The following PRKG1 variants were observed in gnomAD, a reference collection of about 807,000 sequenced individuals.
PRKG1 encodes the protein protein kinase cGMP-dependent 1.
PRKG1 carries 35 observed loss-of-function variants against 88.1 expected under a neutral mutation model. The observed-to-expected ratio is 0.40, with a 90% CI of 0.30 to 0.53. PRKG1 has a LOEUF of 0.53. Ranked by LOEUF, PRKG1 falls within the 20% of genes least tolerant of loss-of-function variation. The pLI, the probability that PRKG1 is intolerant of heterozygous loss-of-function variation, is 0.59. For missense variants in PRKG1, 540 were observed against 839.8 expected, an observed-to-expected ratio of 0.64 and a Z score of 4.41; for synonymous variants, 303 against 292.5, an observed-to-expected ratio of 1.04 and a Z score of -0.37.
rs182252764 is a variant in PRKG1 at position 51,915,242 on chromosome 10, T to G, written c.762+7672T>G. On this transcript the variant is annotated intron_variant, in intron 5 of 17. Coordinates refer to ENST00000373980, the MANE Select transcript of PRKG1 (RefSeq NM_006258.4). ...TGTGAAGCTCTCTCTTTTATCATTC[T>G]AAATAGGCCTAGACTCTTCAGGAGA... 1.1e-4 allele frequency among the ~76,000 whole-genome samples: 16 copies of G among 152,342 alleles called. No individual in the cohort carries two copies. The East Asian group carries it at 3.1e-3, about 29-fold the overall frequency.
chr10:51,285,164 C>A (rs564307192), intron 2 of PRKG1, among the ~76,000 whole-genome samples: 9 of 149,158 alleles, frequency 6.0e-5, no homozygotes, highest in Non-Finnish European at 1.3e-4. Context: ...TTTGTTCTTG[C>A]GATAGTTTAC....
At chr10:51,161,404 C>T (rs139622595) in intron 2 of PRKG1, among the ~76,000 whole-genome samples, 4 of 152,194 alleles carry the variant, frequency 2.6e-5, no homozygotes, top group African/African-American at 9.6e-5. Context: ...GTTAATACGT[C>T]CTTGTGAAAT....
At chr10:51,615,292 G>C (rs1839019960) in intron 3 of PRKG1, among the ~76,000 whole-genome samples, 1 of 152,032 alleles carries the variant, frequency 6.6e-6, no homozygotes, top group Non-Finnish European at 1.5e-5. Context: ...TAGACAGTTT[G>C]ACTATAATAT....
At chr10:51,865,867 C>T (rs1841001173) in intron 4 of PRKG1, among the ~76,000 whole-genome samples, 2 of 151,884 alleles carry the variant, frequency 1.3e-5, no homozygotes, top group African/African-American at 4.8e-5. Context: ...ATATAATAAG[C>T]ATTATTTTTT....
At chr10:52,233,753 G>T (rs1840595690) in intron 9 of PRKG1, among the ~76,000 whole-genome samples, 1 of 150,146 alleles carries the variant, frequency 6.7e-6, no homozygotes, top group African/African-American at 2.4e-5. Context: ...GCCCGCCATT[G>T]CCCAGGCTTG....
chr10:51,197,349 C>T (rs1025791952), intron 2 of PRKG1, among the ~76,000 whole-genome samples: 4 of 151,956 alleles, frequency 2.6e-5, no homozygotes, highest in Non-Finnish European at 5.9e-5. Context: ...CTCGGCTCAC[C>T]GCAACCTCTT....
chr10:52,195,355 T>A (rs190885109), intron 9 of PRKG1, among the ~76,000 whole-genome samples: 9 of 152,258 alleles, frequency 5.9e-5, no homozygotes, highest in African/African-American at 1.7e-4. Context: ...CAAAACTATA[T>A]CTATAATCAA....
chr10:51,598,253 T>C (rs531766379), intron 3 of PRKG1, among the ~76,000 whole-genome samples: 2 of 152,288 alleles, frequency 1.3e-5, no homozygotes, highest in South Asian at 4.1e-4. Context: ...TTCTTTTAAC[T>C]TTTTTATCAT....
At chr10:51,541,303 C>T (rs72795155) in intron 3 of PRKG1, among the ~76,000 whole-genome samples, 16,456 of 152,152 alleles carry the variant, frequency 0.11, 1,110 homozygotes, top group African/African-American at 0.17. Flanking sequence ...CAGGTGTTAA[C>T]GCTCACTCAT....
intron 2 of PRKG1, among the ~76,000 whole-genome samples, chr10:51,346,815 A>T (rs1032790788): frequency 3.3e-5 from 5 of 152,212 alleles, no homozygotes; most frequent in African/African-American, 9.6e-5. Flanking sequence ...AGTATTATAG[A>T]ATACTACCTC....
Position 51,158,693 on chromosome 10 carries a change from A to G in PRKG1, c.478+5363A>G, listed in dbSNP as rs192953814. The stretch of plus-strand genomic sequence containing the variant: ...GAAAGAATGGCTATGATTTGGCTTA[A>G]TTCTTGGTCCACCTCTGTGTCCTTA... On this transcript the variant is annotated intron_variant, in intron 2 of 17. Transcript: ENST00000373980. 6.4e-4 allele frequency among the ~76,000 whole-genome samples: 98 copies of G among 151,958 alleles called. 1 individual carries two copies. The highest frequency in any genetic ancestry group is 3.4e-3 in the Middle Eastern group (1 of 294).
intron 5 of PRKG1, among the ~76,000 whole-genome samples, chr10:51,973,646 A>C (rs906066997): frequency 1.3e-5 from 2 of 152,184 alleles, no homozygotes; most frequent in African/African-American, 4.8e-5. Flanking sequence ...TAAACAGTTC[A>C]TCTTCAATGA....
At chr10:51,516,135 T>C (rs553267751) in intron 3 of PRKG1, among the ~76,000 whole-genome samples, 1 of 152,218 alleles carries the variant, frequency 6.6e-6, no homozygotes, top group East Asian at 1.9e-4. Flanking sequence ...GGACGGTGAA[T>C]GCAGAGAATT....
intron 3 of PRKG1, among the ~76,000 whole-genome samples, chr10:51,508,054 C>G (rs1191605570): frequency 6.6e-6 from 1 of 152,056 alleles, no homozygotes; most frequent in East Asian, 1.9e-4. Context: ...AGTCCAGATT[C>G]AAGTCCTAGC....
chr10:52,035,918 C>A (rs76376557), intron 5 of PRKG1, among the ~76,000 whole-genome samples: 2 of 151,788 alleles, frequency 1.3e-5, no homozygotes, highest in South Asian at 2.1e-4. Flanking sequence ...CTACAGGGTG[C>A]GGTCCTGGCT....
At chr10:51,205,141 T>TTTTTTTTTTTTTTTTTG (rs1838020865) in intron 2 of PRKG1, among the ~76,000 whole-genome samples, 1 of 111,676 alleles carries the variant, frequency 9.0e-6, no homozygotes, top group Non-Finnish European at 1.9e-5. Context: ...TTTTTTTTTT[T>TTTTTTTTTTTTTTTTTG]TTTTTTTTTT....
intron 5 of PRKG1, among the ~76,000 whole-genome samples, chr10:52,000,232 G>C: frequency 6.6e-6 from 1 of 151,990 alleles, no homozygotes; most frequent in East Asian, 1.9e-4. Flanking sequence ...TAGAAGGCAG[G>C]AGAGGATAAG....
At chr10:52,041,322 A>G (rs879342590) in intron 5 of PRKG1, among the ~76,000 whole-genome samples, 4 of 152,348 alleles carry the variant, frequency 2.6e-5, no homozygotes, top group Non-Finnish European at 4.4e-5. Context: ...CCTTTGGATG[A>G]ATCCCACCTG....
intron 2 of PRKG1, among the ~76,000 whole-genome samples, chr10:51,253,645 T>C (rs770226258): frequency 1.3e-5 from 2 of 151,906 alleles, no homozygotes; most frequent in African/African-American, 2.4e-5. Flanking sequence ...AATTTTGACT[T>C]TCCTCTGCTG....
Sources: gnomAD v4.1 joint callset for allele counts (sites outside exome capture counted in the v4.1 genomes callset) on GRCh38, gnomAD v4.1.1 for gene constraint, MANE v1.5 for transcripts, NCBI Gene and HGNC (gene_info 2026-07-23, HGNC 2026-07-21) for gene names.